CEP120: variants seen among roughly 807,000 people sequenced by gnomAD.
CEP120 encodes centrosomal protein 120, also known as centrosomal protein of 120 kDa.
A neutral mutation model predicts 126.5 loss-of-function variants in CEP120; 113 were observed. The ratio of observed to expected loss-of-function variants is 0.89; its 90% CI spans 0.77 to 1.04. The LOEUF (loss-of-function observed/expected upper bound fraction) is 1.04, where lower values mean the gene tolerates loss of function less well. Among genes scored for constraint, CEP120 ranks in the 50% least tolerant of loss-of-function variants. The probability of loss-of-function intolerance (pLI) is 0.00; values close to 1 mark genes in which losing one functional copy is unlikely to be tolerated. For missense variants in CEP120, 1,230 were observed against 1,155.7 expected (o/e 1.06, Z -0.93); for synonymous variants, 400 against 394.3 (o/e 1.01, Z -0.17).
chr5:123,377,629 G>C (rs1043521363), intron 15 of CEP120, 94 bp from the exon 16 acceptor site: 25 of 928,218 alleles, frequency 2.7e-5, no homozygotes, highest in Non-Finnish European at 3.8e-5. Context: ...CAAATGTTGA[G>C]GATATTTACA....
In CEP120 at chr5:123,386,124, A is replaced by C. The variant is rs74718353; in HGVS notation, c.1580+394T>G. 3.5e-3 allele frequency among the ~76,000 whole-genome samples: 526 copies of C among 152,332 alleles called. 5 individuals carry two copies. Among genetic ancestry groups the C allele is most frequent in the African/African-American group, 0.012 (517 of 41,574 alleles). ...TTAACATCTCTAGTTATAGGTTTAA[A>C]AAAACAGAAAAAGCAAATTTTTTCA... On this transcript the variant is annotated intron_variant, in intron 10 of 19. Transcript: ENST00000306467.
At chr5:123,371,387 C>G (rs1362363459) in intron 17 of CEP120, among the ~76,000 whole-genome samples, 1 of 151,924 alleles carries the variant, frequency 6.6e-6, no homozygotes, top group Non-Finnish European at 1.5e-5. Context: ...AGGCAAACTC[C>G]CATTTTTTAA....
intron 5 of CEP120, among the ~76,000 whole-genome samples, chr5:123,395,182 A>G (rs1374607673): frequency 6.6e-6 from 1 of 152,248 alleles, no homozygotes; most frequent in East Asian, 1.9e-4. Context: ...CCATTATGGG[A>G]AGAAATTCTT....
chr5:123,391,451 G>C lies in CEP120; in HGVS notation c.811-114C>G. On this transcript the variant is annotated intron_variant, in intron 6 of 19. Transcript: ENST00000306467. ...TGCATGGAAAGAAAATATTATGCAGGTTATACCTCATTGACCTCAAGTGAC... is the reference window on the plus strand; with the variant it reads ...TGCATGGAAAGAAAATATTATGCAGCTTATACCTCATTGACCTCAAGTGAC... The C allele has an allele frequency of 6.7e-6, 5 of 740,928 alleles. No individual in the cohort carries two copies. The South Asian group carries it at 9.4e-5, about 14-fold the overall frequency. 45.9% of individuals were successfully genotyped at this position (740,928 alleles called of 1,614,324 possible). A position where few individuals can be genotyped will look rare whatever the true frequency, so the allele number is the denominator to read the frequency against.
intron 5 of CEP120, among the ~76,000 whole-genome samples, chr5:123,395,536 C>A (rs1327720424): frequency 1.3e-5 from 2 of 152,160 alleles, no homozygotes; most frequent in Non-Finnish European, 2.9e-5. Flanking sequence ...CTGGAAATCA[C>A]AAATCTGCTT....
intron 8 of CEP120, 70 bp downstream of exon 8, chr5:123,389,852 CAT>C: frequency 7.4e-7 from 1 of 1,346,826 alleles, no homozygotes; most frequent in Non-Finnish European, 1.0e-6. Flanking sequence ...TGAAAGTTCT[CAT>C]AGTCATTTTT....
At chr5:123,413,605 C>A (rs34826754) in intron 3 of CEP120, among the ~76,000 whole-genome samples, 109,558 of 152,038 alleles carry the variant, frequency 0.72, 39,687 homozygotes, top group African/African-American at 0.78. Flanking sequence ...TTACTCTGAT[C>A]ATTTGTTATA....
At chr5:123,419,070 G>A (rs773716906) in intron 1 of CEP120, among the ~76,000 whole-genome samples, 45 of 152,052 alleles carry the variant, frequency 3.0e-4, no homozygotes, top group Non-Finnish European at 5.7e-4. Flanking sequence ...AATCACCTAG[G>A]GACCCTGTTA....
intron 18 of CEP120, 79 bp downstream of exon 18, chr5:123,364,417 A>G: frequency 1.2e-6 from 1 of 838,604 alleles, no homozygotes; most frequent in East Asian, 2.6e-5. Context: ...ATCAGAGCAT[A>G]ACAGATATTG....
chr5:123,349,375 G>C (rs753080244), intron 19 of CEP120, among the ~76,000 whole-genome samples: 85 of 152,056 alleles, frequency 5.6e-4, no homozygotes, highest in Non-Finnish European at 1.1e-3. Flanking sequence ...GGCAATATAA[G>C]ACATTTAAAA....
intron 8 of CEP120, 99 bp downstream of exon 8, chr5:123,389,825 T>C: frequency 9.1e-7 from 1 of 1,099,064 alleles, no homozygotes; most frequent in South Asian, 1.5e-5. Flanking sequence ...AAACCCACAA[T>C]TTTTACTTAT....
chr5:123,355,446 T>C (rs530146882), intron 18 of CEP120, among the ~76,000 whole-genome samples: 29 of 152,248 alleles, frequency 1.9e-4, no homozygotes, highest in African/African-American at 6.5e-4. Context: ...CTCCAGCACT[T>C]GTTGTTTCCT....
intron 5 of CEP120, among the ~76,000 whole-genome samples, chr5:123,394,113 C>A (rs1446652956): frequency 6.6e-6 from 1 of 152,128 alleles, no homozygotes; most frequent in Non-Finnish European, 1.5e-5. Context: ...TTCTAACAGA[C>A]CTTTAATGTT....
intron 3 of CEP120, among the ~76,000 whole-genome samples, 184 bp downstream of exon 3, chr5:123,415,826 T>G (rs1774343722): frequency 6.6e-6 from 1 of 151,524 alleles, no homozygotes; most frequent in Non-Finnish European, 1.5e-5. Flanking sequence ...GAGCCAAGAT[T>G]GTGCTATTGC....
intron 7 of CEP120, 93 bp from the exon 8 acceptor site, chr5:123,390,233 T>C (rs1411813517): frequency 2.1e-6 from 2 of 957,316 alleles, no homozygotes; most frequent in Non-Finnish European, 3.2e-6. Context: ...AAATATAAGC[T>C]TCCTTTCCCA....
chr5:123,405,865 A>AATTT (rs541046427), intron 4 of CEP120, among the ~76,000 whole-genome samples: 101 of 152,120 alleles, frequency 6.6e-4, no homozygotes, highest in Middle Eastern at 3.4e-3. Context: ...ATCAGAACTA[A>AATTT]AGTCAGATAT....
rs62377764 is a variant in CEP120 at position 123,418,732 on chromosome 5, G to T, written c.50-217C>A. Among the ~76,000 whole-genome samples the T allele has an allele frequency of 0.069, 10,439 of 151,996 alleles. 506 individuals are homozygous for T. Among genetic ancestry groups the T allele is most frequent in the Non-Finnish European group, 0.097 (6,609 of 67,956 alleles). On this transcript the variant is annotated intron_variant, in intron 1 of 19. Coordinates refer to ENST00000306467, the MANE Select transcript of CEP120 (RefSeq NM_001375405.1). Reference sequence around the variant, plus strand: ...CTACCTGAGCCTCCCAAGTAGCTGGGATTACAGGTGCACACCACCAAACCC... The same window carrying T: ...CTACCTGAGCCTCCCAAGTAGCTGGTATTACAGGTGCACACCACCAAACCC...
chr5:123,370,910 A>G (rs984152694), intron 17 of CEP120, among the ~76,000 whole-genome samples: 5 of 151,686 alleles, frequency 3.3e-5, no homozygotes, highest in Non-Finnish European at 4.4e-5. Context: ...CCAGTCCCCA[A>G]TGTTACTTTC....
intron 4 of CEP120, chr5:123,403,358 TTGA>T: frequency 2.2e-6 from 1 of 454,132 alleles, no homozygotes; most frequent in African/African-American, 2.0e-5. Flanking sequence ...AAAATATTTG[TTGA>T]TAAGTTCAAA....
Sources: allele counts gnomAD v4.1 joint callset (sites outside exome capture counted in the v4.1 genomes callset), GRCh38; gene constraint gnomAD v4.1.1; transcripts MANE v1.5; gene names NCBI Gene and HGNC (gene_info 2026-07-23, HGNC 2026-07-21).